The following OR14C36 variants were observed in gnomAD, a reference collection of about 807,000 sequenced individuals.
OR14C36 encodes olfactory receptor family 14 subfamily C member 36.
For missense variants in OR14C36, 404 were observed against 384.8 expected, an observed-to-expected ratio of 1.05 and a Z score of -0.42; for synonymous variants, 142 against 146.8, an observed-to-expected ratio of 0.97 and a Z score of 0.24.
Position 248,349,174 on chromosome 1 carries a change from G to A in OR14C36, c.400G>A (p.Val134Met), listed in dbSNP as rs749979814. 8.1e-6 allele frequency: 13 copies of A among 1,613,872 alleles called. No individual in the cohort carries two copies. Among genetic ancestry groups the A allele is most frequent in the Admixed American group, 3.3e-5 (2 of 59,976 alleles). ...CCAGCCACTTCACTACCCTGTGATC[G>A]TGAACTCTCGAATCTGCATCCAGAT... Reference protein sequence around the residue: ...VCQPLHYPVIVNSRICIQMTL... With the variant: ...VCQPLHYPVIMNSRICIQMTL... Residue 134 changes from valine (V) to methionine (M), a missense_variant, in exon 1 of 1, where the codon GTG (valine) becomes ATG (methionine). Physicochemically the swap from Val to Met is conservative, Grantham distance 21. Transcript: ENST00000317861.
Position 248,349,116 on chromosome 1 carries a change from C to T in OR14C36, c.342C>T (p.Thr114=). Reference sequence around the variant, plus strand: ...TATATGTGGAGCTTCTGTTTCTCACCATTATGGCTCATGACCGCTATGTGG... The same window carrying T: ...TATATGTGGAGCTTCTGTTTCTCACTATTATGGCTCATGACCGCTATGTGG... ...FFVYVELLFL[T]IMAHDRYVAV... Residue 114 remains threonine, a synonymous_variant, in exon 1 of 1, where the codon ACC becomes ACT. Transcript: ENST00000317861. 1 of 1,613,864 alleles carries T rather than the reference C, an allele frequency of 6.2e-7. No individual in the cohort carries two copies.
At position 248,349,345 on chromosome 1, in the gene OR14C36, T is replaced by G; in HGVS notation, c.571T>G (p.Phe191Val). 6.2e-7 allele frequency: 1 copy of G among 1,614,008 alleles called. No individual in the cohort carries two copies. Among genetic ancestry groups the G allele is most frequent in the Non-Finnish European group, 8.5e-7 (1 of 1,179,930 alleles). Residue 191 changes from phenylalanine to valine, a missense_variant, in exon 1 of 1, where the codon TTC becomes GTC. Coordinates refer to ENST00000317861, the MANE Select transcript of OR14C36 (RefSeq NM_001001918.1). ...SLLKLSCSDT[F>V]SNEVMIVVSA... is the part of the protein sequence containing the mutation. The stretch of plus-strand genomic sequence containing the variant: ...GCTGAAGCTCTCTTGCTCTGACACC[T>G]TCAGCAATGAGGTCATGATTGTTGT...
chr1:248,349,113 C>T lies in OR14C36; in HGVS notation c.339C>T (p.Leu113=), dbSNP rs780619262. 2 of 1,613,910 alleles carry T rather than the reference C, an allele frequency of 1.2e-6. No individual in the cohort carries two copies. The highest frequency in any genetic ancestry group is 2.7e-5 in the African/African-American group (2 of 74,950). The change falls in exon 1 of 1, where the codon CTC becomes CTT. Residue 113 remains leucine (L), a synonymous_variant. Transcript: ENST00000317861. Reference sequence around the variant, plus strand: ...TTGTATATGTGGAGCTTCTGTTTCTCACCATTATGGCTCATGACCGCTATG... The same window carrying T: ...TTGTATATGTGGAGCTTCTGTTTCTTACCATTATGGCTCATGACCGCTATG... The part of the protein sequence containing the change: ...VFFVYVELLF[L]TIMAHDRYVA...
rs1458712129 is a variant in OR14C36 at position 248,349,366 on chromosome 1, G to C, written c.592G>C (p.Val198Leu). The change falls in exon 1 of 1, where the codon GTT (valine) becomes CTT (leucine). Residue 198 changes from valine (V) to leucine (L), a missense_variant. By Grantham distance (32) the Val-to-Leu change is conservative. Coordinates refer to ENST00000317861, the MANE Select transcript of OR14C36 (RefSeq NM_001001918.1). ...SDTFSNEVMI[V>L]VSALGVGGGC... ...CACCTTCAGCAATGAGGTCATGATT[G>C]TTGTCTCTGCTCTGGGGGTAGGTGG... 1 of 1,614,038 alleles carries C rather than the reference G, an allele frequency of 6.2e-7. No individual in the cohort carries two copies. The highest frequency in any genetic ancestry group is 8.5e-7 in the Non-Finnish European group (1 of 1,179,968).
In OR14C36 at chr1:248,349,315, T is replaced by G; in HGVS notation, c.541T>G (p.Ser181Ala). Residue 181 changes from serine (S) to alanine (A), a missense_variant, in exon 1 of 1, where the codon TCT (serine) becomes GCT (alanine). Ser to Ala is a moderately conservative substitution (Grantham distance 99). Transcript: ENST00000317861. ...TCATCAATTCTTCTGTGACATCCCC[T>G]CTCTGCTGAAGCTCTCTTGCTCTGA... ...VIHQFFCDIP[S>A]LLKLSCSDTF... is the part of the protein sequence containing the mutation. 6.2e-7 allele frequency: 1 copy of G among 1,614,070 alleles called. No homozygotes were observed. The highest frequency in any genetic ancestry group is 8.5e-7 in the Non-Finnish European group (1 of 1,180,002).
Position 248,349,516 on chromosome 1 carries a change from G to A in OR14C36, c.742G>A (p.Val248Ile). Residue 248 changes from valine (V) to isoleucine (I), a missense_variant, in exon 1 of 1, where the codon GTC (valine) becomes ATC (isoleucine). Transcript: ENST00000317861. ...TCIPHILVVS[V>I]FLSSCSSVYL... ...CATCCCTCACATCCTGGTGGTGTCA[G>A]TCTTCCTCAGTTCATGCTCTTCTGT... 6.2e-7 allele frequency: 1 copy of A among 1,614,078 alleles called. No individual in the cohort carries two copies.
At chr1:248,349,261 CA>C in the OR14C36 span, 1 of 1,613,716 alleles carries the variant, frequency 6.2e-7, no homozygotes. Flanking sequence ...CAGCACATTC[CA>C]GCTGCCCTTC....
rs1262010132 is a variant in OR14C36 at position 248,349,040 on chromosome 1, C to G, written c.266C>G (p.Thr89Ser). Residue 89 changes from threonine (T) to serine (S), a missense_variant, in exon 1 of 1, where the codon ACC becomes AGC. Physicochemically the swap from Thr to Ser is moderately conservative, Grantham distance 58. Coordinates refer to ENST00000317861, the MANE Select transcript of OR14C36 (RefSeq NM_001001918.1). ...GTCAATTCCCTACTGGACAGCACCACCATTTCTAAGGCGGGATGTGTAGCT... is the reference window on the plus strand; with the variant it reads ...GTCAATTCCCTACTGGACAGCACCAGCATTTCTAAGGCGGGATGTGTAGCT... ...SCVNSLLDST[T>S]ISKAGCVAQV... 2.5e-6 allele frequency: 4 copies of G among 1,613,608 alleles called. No individual in the cohort carries two copies. The African/African-American group carries it at 4.0e-5, about 16-fold the overall frequency.
Position 248,349,095 on chromosome 1 carries a change from T to C in OR14C36, c.321T>C (p.Tyr107=), listed in dbSNP as rs1291926428. ...TCTTCCTCGTGGTTTTTTTTGTATA[T>C]GTGGAGCTTCTGTTTCTCACCATTA... ...AQVFLVVFFV[Y]VELLFLTIMA... Residue 107 remains tyrosine (Y), a synonymous_variant, in exon 1 of 1, where the codon TAT becomes TAC. Coordinates refer to ENST00000317861, the MANE Select transcript of OR14C36 (RefSeq NM_001001918.1). 3 of 1,613,812 alleles carry C rather than the reference T, an allele frequency of 1.9e-6. No individual in the cohort carries two copies. The African/African-American group carries it at 4.0e-5, about 22-fold the overall frequency.
At position 248,348,927 on chromosome 1, in the gene OR14C36, C is replaced by T. The variant is rs751524510; in HGVS notation, c.153C>T (p.Ser51=). The change falls in exon 1 of 1, where the codon AGC becomes AGT. Residue 51 remains serine (S), a synonymous_variant. Transcript: ENST00000317861. The stretch of plus-strand genomic sequence containing the variant: ...TTGTGACCGTCACCACCTGTGACAG[C>T]AGCCTTCACATGCCCATGTACTTCT... ...ILIVTVTTCD[S]SLHMPMYFFL... is the part of the protein sequence containing the mutation. The T allele has an allele frequency of 4.3e-6, 7 of 1,613,584 alleles. No individual in the cohort carries two copies. In the Admixed American group the frequency reaches 1.0e-4, roughly 23 times the overall value.
rs761978155 is a variant in OR14C36, at chr1:248,349,042, A to G, written c.268A>G (p.Ile90Val). Residue 90 changes from isoleucine to valine, a missense_variant, in exon 1 of 1, where the codon ATT becomes GTT. By Grantham distance (29) the Ile-to-Val change is conservative. Transcript: ENST00000317861. ...CVNSLLDSTTISKAGCVAQVF... is the reference protein window; with the variant it reads ...CVNSLLDSTTVSKAGCVAQVF... The stretch of plus-strand genomic sequence containing the variant: ...CAATTCCCTACTGGACAGCACCACC[A>G]TTTCTAAGGCGGGATGTGTAGCTCA... 1.9e-6 allele frequency: 3 copies of G among 1,613,266 alleles called. No individual in the cohort carries two copies. Among genetic ancestry groups the G allele is most frequent in the Middle Eastern group, 3.3e-4 (2 of 6,062 alleles).
chr1:248,349,371 C>T lies in OR14C36; in HGVS notation c.597C>T (p.Val199=), dbSNP rs762734393. 2 of 1,614,096 alleles carry T rather than the reference C, an allele frequency of 1.2e-6. No homozygotes were observed. Among genetic ancestry groups the T allele is most frequent in the Non-Finnish European group, 1.7e-6 (2 of 1,180,002 alleles). The change falls in exon 1 of 1, where the codon GTC becomes GTT. Residue 199 remains valine (V), a synonymous_variant. Coordinates refer to ENST00000317861, the MANE Select transcript of OR14C36 (RefSeq NM_001001918.1). ...DTFSNEVMIV[V]SALGVGGGCF... is the part of the protein sequence containing the mutation. ...TCAGCAATGAGGTCATGATTGTTGT[C>T]TCTGCTCTGGGGGTAGGTGGCGGCT...
rs375356267 is a variant in OR14C36 at position 248,349,325 on chromosome 1, A to T, written c.551A>T (p.Lys184Met). 5.6e-6 allele frequency: 9 copies of T among 1,613,952 alleles called. No individual in the cohort carries two copies. Among genetic ancestry groups the T allele is most frequent in the Admixed American group, 1.7e-5 (1 of 59,994 alleles). ...QFFCDIPSLL[K>M]LSCSDTFSNE... is the part of the protein sequence containing the mutation. ...TTCTGTGACATCCCCTCTCTGCTGA[A>T]GCTCTCTTGCTCTGACACCTTCAGC... Residue 184 changes from lysine (K) to methionine (M), a missense_variant, in exon 1 of 1, where the codon AAG (lysine) becomes ATG (methionine). Physicochemically the swap from Lys to Met is moderately conservative, Grantham distance 95. Coordinates refer to ENST00000317861, the MANE Select transcript of OR14C36 (RefSeq NM_001001918.1).
rs2039824 is a variant in OR14C36 at position 248,349,335 on chromosome 1, C to T, written c.561C>T (p.Cys187=). ...CDIPSLLKLS[C]SDTFSNEVMI... The stretch of plus-strand genomic sequence containing the variant: ...TCCCCTCTCTGCTGAAGCTCTCTTG[C>T]TCTGACACCTTCAGCAATGAGGTCA... The change falls in exon 1 of 1, where the codon TGC becomes TGT. Residue 187 remains cysteine, a synonymous_variant. Coordinates refer to ENST00000317861, the MANE Select transcript of OR14C36 (RefSeq NM_001001918.1). 880,412 of 1,613,510 alleles carry T rather than the reference C, an allele frequency of 0.55. 242,216 individuals carry two copies. Among genetic ancestry groups the T allele is most frequent in the Non-Finnish European group, 0.56 (664,150 of 1,179,726 alleles).
rs1008989469 is a variant in OR14C36 at position 248,349,054 on chromosome 1, G to A, written c.280G>A (p.Gly94Arg). ...LLDSTTISKA[G>R]CVAQVFLVVF... is the part of the protein sequence containing the mutation. The stretch of plus-strand genomic sequence containing the variant: ...GGACAGCACCACCATTTCTAAGGCG[G>A]GATGTGTAGCTCAGGTCTTCCTCGT... Residue 94 changes from glycine to arginine, a missense_variant, in exon 1 of 1, where the codon GGA becomes AGA. Gly to Arg is a moderately radical substitution (Grantham distance 125, BLOSUM62 -2). Coordinates refer to ENST00000317861, the MANE Select transcript of OR14C36 (RefSeq NM_001001918.1). The A allele has an allele frequency of 5.0e-6, 8 of 1,613,628 alleles. No homozygotes were observed. In the African/African-American group the frequency reaches 8.0e-5, roughly 16 times the overall value.
rs771091886 is a variant in OR14C36, at chr1:248,349,510, G to C, written c.736G>C (p.Val246Leu). 3 of 1,614,066 alleles carry C rather than the reference G, an allele frequency of 1.9e-6. No individual in the cohort carries two copies. Reference protein sequence around the residue: ...FSTCIPHILVVSVFLSSCSSV... With the variant: ...FSTCIPHILVLSVFLSSCSSV... ...CACCTGCATCCCTCACATCCTGGTGGTGTCAGTCTTCCTCAGTTCATGCTC... is the reference window on the plus strand; with the variant it reads ...CACCTGCATCCCTCACATCCTGGTGCTGTCAGTCTTCCTCAGTTCATGCTC... Residue 246 changes from valine (V) to leucine (L), a missense_variant, in exon 1 of 1, where the codon GTG becomes CTG. Physicochemically the swap from Val to Leu is conservative, Grantham distance 32. Coordinates refer to ENST00000317861, the MANE Select transcript of OR14C36 (RefSeq NM_001001918.1).
At position 248,349,127 on chromosome 1, in the gene OR14C36, A is replaced by G. The variant is rs1219486565; in HGVS notation, c.353A>G (p.His118Arg). Residue 118 changes from histidine to arginine, a missense_variant, in exon 1 of 1, where the codon CAT (histidine) becomes CGT (arginine). By Grantham distance (29) the His-to-Arg change is conservative. Transcript: ENST00000317861. Reference sequence around the variant, plus strand: ...CTTCTGTTTCTCACCATTATGGCTCATGACCGCTATGTGGCTGTCTGCCAG... The same window carrying G: ...CTTCTGTTTCTCACCATTATGGCTCGTGACCGCTATGTGGCTGTCTGCCAG... ...VELLFLTIMA[H>R]DRYVAVCQPL... The G allele has an allele frequency of 1.9e-6, 3 of 1,613,796 alleles. No homozygotes were observed. Among genetic ancestry groups the G allele is most frequent in the Non-Finnish European group, 1.7e-6 (2 of 1,179,974 alleles).
At position 248,348,809 on chromosome 1, in the gene OR14C36, T is replaced by A; in HGVS notation, c.35T>A (p.Leu12His). ...TCAACCACCGTGATGGAATTTCTCC[T>A]CATGAGGTTTTCTGATGTGTGGACA... is the stretch of plus-strand genomic sequence containing the variant. ...PNSTTVMEFL[L>H]MRFSDVWTLQ... The change falls in exon 1 of 1, where the codon CTC (leucine) becomes CAC (histidine). Residue 12 changes from leucine (L) to histidine (H), a missense_variant. Leu to His is a moderately conservative substitution (Grantham distance 99). Transcript: ENST00000317861. The A allele has an allele frequency of 6.2e-7, 1 of 1,604,698 alleles. No individual in the cohort carries two copies. The highest frequency in any genetic ancestry group is 8.5e-7 in the Non-Finnish European group (1 of 1,175,194).
chr1:248,349,321 C>T lies in OR14C36; in HGVS notation c.547C>T (p.Leu183=), dbSNP rs375569976. ...HQFFCDIPSL[L]KLSCSDTFSN... ...ATTCTTCTGTGACATCCCCTCTCTG[C>T]TGAAGCTCTCTTGCTCTGACACCTT... Residue 183 remains leucine (L), a synonymous_variant, in exon 1 of 1, where the codon CTG becomes TTG. Coordinates refer to ENST00000317861, the MANE Select transcript of OR14C36 (RefSeq NM_001001918.1). 26 of 1,613,972 alleles carry T rather than the reference C, an allele frequency of 1.6e-5. No homozygotes were observed. Among genetic ancestry groups the T allele is most frequent in the Non-Finnish European group, 2.0e-5 (24 of 1,179,996 alleles).
Sources: allele counts gnomAD v4.1 joint callset, GRCh38; gene constraint gnomAD v4.1.1; transcripts MANE v1.5; gene names NCBI Gene and HGNC (gene_info 2026-07-23, HGNC 2026-07-21).